Variants in JMJD1C observed in about 807,000 individuals in gnomAD.
JMJD1C encodes jumonji domain-containing protein 1C.
A neutral mutation model predicts 245.3 loss-of-function variants in JMJD1C; 31 were observed. The observed-to-expected ratio is 0.13, with a 90% CI of 0.09 to 0.17. The LOEUF is 0.17. JMJD1C is among the 10% of genes least tolerant of loss of function. The pLI, the probability that JMJD1C is intolerant of heterozygous loss-of-function variation, is 1.00. For missense variants in JMJD1C, 2,691 were observed against 3,000.2 expected (o/e 0.90, Z 2.41); for synonymous variants, 1,057 against 1,017.4 (o/e 1.04, Z -0.74).
intron 2 of JMJD1C, among the ~76,000 whole-genome samples, chr10:63,330,914 C>T (rs914679134): frequency 2.0e-5 from 3 of 152,158 alleles, no homozygotes; most frequent in Non-Finnish European, 4.4e-5. Flanking sequence ...ATCTAATCAT[C>T]TCACATCTCT....
chr10:63,215,704 A>G lies in JMJD1C; in HGVS notation c.679-8T>C. 6.5e-7 allele frequency: 1 copy of G among 1,532,972 alleles called. No individual in the cohort carries two copies. Among genetic ancestry groups the G allele is most frequent in the Non-Finnish European group, 8.8e-7 (1 of 1,133,378 alleles). 95.0% of individuals were successfully genotyped at this position (1,532,972 alleles called of 1,614,324 possible). A position where few individuals can be genotyped will look rare whatever the true frequency, so the allele number is the denominator to read the frequency against. On this transcript the variant is annotated splice_region_variant and splice_polypyrimidine_tract_variant and intron_variant, in intron 5 of 25. Transcript: ENST00000399262. ...ATTCTGTGGTTCTAGTACCTAATCCATGATACAAAACAAAAACAAAAATTA... is the reference window on the plus strand; with the variant it reads ...ATTCTGTGGTTCTAGTACCTAATCCGTGATACAAAACAAAAACAAAAATTA...
chr10:63,284,905 AC>A (rs1319888758), intron 2 of JMJD1C, among the ~76,000 whole-genome samples: 4 of 81,284 alleles, frequency 4.9e-5, no homozygotes, highest in Admixed American at 1.2e-4. Flanking sequence ...ACACACACAC[AC>A]ATTCTCTCTA....
At chr10:63,182,720 T>C (rs1843637728) in intron 22 of JMJD1C, among the ~76,000 whole-genome samples, 1 of 152,108 alleles carries the variant, frequency 6.6e-6, no homozygotes, top group African/African-American at 2.4e-5. Flanking sequence ...ACCTATATAC[T>C]GGATAGAAAG....
rs139072334 is a variant in JMJD1C at position 63,294,905 on chromosome 10, C to T, written c.334-30141G>A. On this transcript the variant is annotated intron_variant, in intron 2 of 25. Transcript: ENST00000399262. Reference sequence around the variant, plus strand: ...TAAGGAAAACACTTTCCACCAGCTCCTAGGAAGTTAATTTTAAAAGGCATT... The same window carrying T: ...TAAGGAAAACACTTTCCACCAGCTCTTAGGAAGTTAATTTTAAAAGGCATT... 3.2e-3 allele frequency among the ~76,000 whole-genome samples: 489 copies of T among 152,062 alleles called. 3 individuals carry two copies. Among genetic ancestry groups the T allele is most frequent in the African/African-American group, 0.011 (474 of 41,492 alleles).
At chr10:63,408,317 C>T (rs1253224318) in intron 1 of JMJD1C, among the ~76,000 whole-genome samples, 1 of 151,824 alleles carries the variant, frequency 6.6e-6, no homozygotes, top group East Asian at 1.9e-4. Context: ...GCAGGAGAAT[C>T]ACTTGAACCT....
chr10:63,397,006 G>A (rs1217293081), intron 1 of JMJD1C, among the ~76,000 whole-genome samples: 4 of 148,738 alleles, frequency 2.7e-5, no homozygotes, highest in East Asian at 2.0e-4. Context: ...CATGACTGAA[G>A]AAAGCTTTTC....
At chr10:63,511,045 A>G (rs1222376788) in intron 1 of JMJD1C, among the ~76,000 whole-genome samples, 1 of 152,128 alleles carries the variant, frequency 6.6e-6, no homozygotes. Context: ...CCATTCCTTT[A>G]CTTTTAATCT....
chr10:63,421,873 C>A (rs949787018), intron 1 of JMJD1C, among the ~76,000 whole-genome samples: 5 of 152,184 alleles, frequency 3.3e-5, no homozygotes, highest in Admixed American at 3.3e-4. Flanking sequence ...ACACTAGAAA[C>A]CAACCCTGAT....
intron 1 of JMJD1C, 98 bp from the exon 2 acceptor site, chr10:63,380,580 T>C (rs1044278795): frequency 1.3e-5 from 11 of 873,996 alleles, no homozygotes; most frequent in Non-Finnish European, 1.9e-5. Flanking sequence ...ATGGGGTACA[T>C]ATGATATCGT....
chr10:63,501,260 G>A (rs1179539310), intron 1 of JMJD1C, among the ~76,000 whole-genome samples: 1 of 152,146 alleles, frequency 6.6e-6, no homozygotes, highest in Non-Finnish European at 1.5e-5. Flanking sequence ...TAAAGGCATG[G>A]AATTTCACAG....
At chr10:63,190,820 A>C in intron 17 of JMJD1C, 74 bp downstream of exon 17, 1 of 1,184,190 alleles carries the variant, frequency 8.4e-7, no homozygotes, top group Admixed American at 1.8e-5. Flanking sequence ...TGGGTAGTTC[A>C]GAGCCAAAAA....
At position 63,305,814 on chromosome 10, in the gene JMJD1C, C is replaced by T. The variant is rs182810708; in HGVS notation, c.334-41050G>A. 4.9e-4 allele frequency among the ~76,000 whole-genome samples: 74 copies of T among 152,136 alleles called. 1 individual carries two copies. Among genetic ancestry groups the T allele is most frequent in the Non-Finnish European group, 7.1e-4 (48 of 67,994 alleles). On this transcript the variant is annotated intron_variant, in intron 2 of 25. Coordinates refer to ENST00000399262, the MANE Select transcript of JMJD1C (RefSeq NM_032776.3). ...GTGGCACAATCTCGGCTCACTGCAG[C>T]CTTGAACTCCTGGGCTCAAGTGATT...
chr10:63,252,719 G>C (rs953327689), intron 3 of JMJD1C, among the ~76,000 whole-genome samples: 1 of 152,246 alleles, frequency 6.6e-6, no homozygotes, highest in Non-Finnish European at 1.5e-5. Flanking sequence ...CTAGTCTTCT[G>C]AGAAGTAAAG....
chr10:63,338,562 A>G (rs1000937052), intron 2 of JMJD1C, among the ~76,000 whole-genome samples: 7 of 151,982 alleles, frequency 4.6e-5, no homozygotes, highest in African/African-American at 1.7e-4. Context: ...AGGAAGCTTA[A>G]GGGCTGACTA....
chr10:63,438,949 C>T (rs1951209328), intron 1 of JMJD1C, among the ~76,000 whole-genome samples: 1 of 152,184 alleles, frequency 6.6e-6, no homozygotes, highest in Admixed American at 6.6e-5. Flanking sequence ...TTTTGTCTCT[C>T]CTTCCATAAA....
upstream of JMJD1C, among the ~76,000 whole-genome samples, chr10:63,469,310 C>G (rs917437240): frequency 6.6e-6 from 1 of 152,140 alleles, no homozygotes; most frequent in Non-Finnish European, 1.5e-5. Flanking sequence ...CACACGTAAT[C>G]TCATTTTGAG....
chr10:63,402,311 C>T (rs1348793224), intron 1 of JMJD1C, among the ~76,000 whole-genome samples: 1 of 151,938 alleles, frequency 6.6e-6, no homozygotes, highest in African/African-American at 2.4e-5. Flanking sequence ...AGTACATTTA[C>T]GAAGAATACT....
chr10:63,378,465 G>A lies in JMJD1C; in HGVS notation c.333+1853C>T, dbSNP rs1026917279. 2.6e-5 allele frequency among the ~76,000 whole-genome samples: 4 copies of A among 151,892 alleles called. No individual in the cohort carries two copies. In the East Asian group the frequency reaches 5.8e-4, roughly 22 times the overall value. ...AAATTAACCGGGCGTGGTGGCAGGC[G>A]CCTGTAGTCCCAGCTACTCCGGAGG... On this transcript the variant is annotated intron_variant, in intron 2 of 25. Coordinates refer to ENST00000399262, the MANE Select transcript of JMJD1C (RefSeq NM_032776.3).
At chr10:63,432,600 C>A (rs1950823390) in intron 1 of JMJD1C, among the ~76,000 whole-genome samples, 1 of 152,214 alleles carries the variant, frequency 6.6e-6, no homozygotes, top group Non-Finnish European at 1.5e-5. Context: ...ACAGCCCTGG[C>A]ATCCTTAAAT....
Sources: gnomAD v4.1 joint callset for allele counts (sites outside exome capture counted in the v4.1 genomes callset) on GRCh38, gnomAD v4.1.1 for gene constraint, MANE v1.5 for transcripts, NCBI Gene and HGNC (gene_info 2026-07-23, HGNC 2026-07-21) for gene names.